The following PPP2R5C variants were observed in gnomAD, a reference collection of about 807,000 sequenced individuals.
The protein encoded by PPP2R5C is serine/threonine-protein phosphatase 2A 56 kDa regulatory subunit gamma isoform.
In PPP2R5C, 7 loss-of-function variants were observed where a neutral mutation model predicts 68.9. The ratio of observed to expected loss-of-function variants is 0.10; its 90% CI spans 0.06 to 0.19. PPP2R5C has a LOEUF of 0.19. Ranked by LOEUF, PPP2R5C falls within the 10% of genes least tolerant of loss-of-function variation. The probability of loss-of-function intolerance (pLI) is 1.00; values close to 1 mark genes in which losing one functional copy is unlikely to be tolerated. For missense variants in PPP2R5C, 348 were observed against 641.3 expected, an observed-to-expected ratio of 0.54 and a Z score of 4.94; for synonymous variants, 210 against 222.2, an observed-to-expected ratio of 0.95 and a Z score of 0.49.
intron 9 of PPP2R5C, among the ~76,000 whole-genome samples, chr14:101,902,925 C>G (rs1434853151): frequency 1.3e-5 from 2 of 151,816 alleles, no homozygotes; most frequent in Non-Finnish European, 1.5e-5. Flanking sequence ...GTGGTGTAGT[C>G]TCTTCCATAC....
At chr14:101,921,600 T>C (rs1353745751) in intron 13 of PPP2R5C, among the ~76,000 whole-genome samples, 2 of 152,184 alleles carry the variant, frequency 1.3e-5, no homozygotes, top group Non-Finnish European at 2.9e-5. Flanking sequence ...TAAGAAATGA[T>C]AGCTGAAAAT....
intron 9 of PPP2R5C, among the ~76,000 whole-genome samples, chr14:101,904,766 C>G (rs558869589): frequency 7.2e-5 from 11 of 152,314 alleles, no homozygotes; most frequent in African/African-American, 2.6e-4. Flanking sequence ...CCATGCTGCT[C>G]AGAGCCTCCA....
At chr14:101,900,107 G>A (rs935486890) in intron 8 of PPP2R5C, among the ~76,000 whole-genome samples, 1 of 151,548 alleles carries the variant, frequency 6.6e-6, no homozygotes, top group Non-Finnish European at 1.5e-5. Flanking sequence ...GGTCGGTCTC[G>A]AACTCCTGGG....
chr14:101,761,529 G>A (rs1490664697), upstream of PPP2R5C, among the ~76,000 whole-genome samples: 1 of 147,458 alleles, frequency 6.8e-6, no homozygotes, highest in African/African-American at 2.5e-5. Flanking sequence ...GGGTACGTGG[G>A]GGCGCGTCGA....
chr14:101,915,742 C>T lies in PPP2R5C; in HGVS notation c.1327-2089C>T, dbSNP rs2046635493. On this transcript the variant is annotated intron_variant, in intron 12 of 13. Coordinates refer to ENST00000334743, the Ensembl canonical transcript of PPP2R5C. This position sits in a 1 kb window ranked among gnomAD's most constrained non-coding sequence, Gnocchi z 4.2. Reference sequence around the variant, plus strand: ...ATACAAAGATGAGAACAAGACATAGCCCCCAGCCTCAGGGAGCTTACAGTC... The same window carrying T: ...ATACAAAGATGAGAACAAGACATAGTCCCCAGCCTCAGGGAGCTTACAGTC... Among the ~76,000 whole-genome samples, 1 of 152,216 alleles carries T rather than the reference C, an allele frequency of 6.6e-6. No individual in the cohort carries two copies. The highest frequency in any genetic ancestry group is 2.1e-4 in the South Asian group (1 of 4,834).
chr14:101,840,421 C>G (rs1489924204), intron 1 of PPP2R5C, among the ~76,000 whole-genome samples: 1 of 133,924 alleles, frequency 7.5e-6, no homozygotes, highest in African/African-American at 2.9e-5. Context: ...CCGCTTGCTG[C>G]TTTCTGGTTT....
chr14:101,914,270 G>A (rs1047687382), intron 12 of PPP2R5C: 7 of 448,652 alleles, frequency 1.6e-5, no homozygotes, highest in African/African-American at 4.0e-5. Flanking sequence ...CATCTGTGAC[G>A]CAGTCCCCAT....
chr14:101,891,386 G>A lies in PPP2R5C; in HGVS notation c.689+1090G>A, dbSNP rs1293238997. Among the ~76,000 whole-genome samples, 3 of 152,134 alleles carry A rather than the reference G, an allele frequency of 2.0e-5. No homozygotes were observed. The highest frequency in any genetic ancestry group is 4.4e-5 in the Non-Finnish European group (3 of 68,032). On this transcript the variant is annotated intron_variant, in intron 6 of 13. Coordinates refer to ENST00000334743, the Ensembl canonical transcript of PPP2R5C. This position sits in a 1 kb window ranked among gnomAD's most constrained non-coding sequence, Gnocchi z 4.9. ...AGATGTAATTTGAAAAAATGTCCTCGCTGACAATTCTTTTAGTTTAGACAA... is the reference window on the plus strand; with the variant it reads ...AGATGTAATTTGAAAAAATGTCCTCACTGACAATTCTTTTAGTTTAGACAA...
chr14:101,914,859 C>T (rs2046576210), intron 12 of PPP2R5C, among the ~76,000 whole-genome samples: 1 of 152,162 alleles, frequency 6.6e-6, no homozygotes, highest in Non-Finnish European at 1.5e-5. Flanking sequence ...TTTTACTACT[C>T]ACTTCCCCCA....
chr14:101,778,783 G>A (rs540571842), intron 2 of PPP2R5C, among the ~76,000 whole-genome samples: 8 of 152,236 alleles, frequency 5.3e-5, no homozygotes, highest in East Asian at 3.9e-4. Context: ...GGCTGGGTGC[G>A]GTGGCTCACC....
At chr14:101,905,526 G>A (rs1245143478) in intron 9 of PPP2R5C, among the ~76,000 whole-genome samples, 11 of 151,688 alleles carry the variant, frequency 7.3e-5, no homozygotes, top group Non-Finnish European at 1.5e-4. Context: ...GTGTGGTGGC[G>A]TGCGCCTGTA....
chr14:101,851,025 T>C (rs978920732), intron 1 of PPP2R5C, among the ~76,000 whole-genome samples: 6 of 152,362 alleles, frequency 3.9e-5, no homozygotes, highest in South Asian at 2.1e-4. Flanking sequence ...AAATGTTGGC[T>C]CCTGCCTTTC....
At chr14:101,776,367 A>G (rs61993987) in intron 2 of PPP2R5C, among the ~76,000 whole-genome samples, 27,344 of 152,042 alleles carry the variant, frequency 0.18, 3,284 homozygotes, top group African/African-American at 0.34. Context: ...TGCCCAAACC[A>G]GATCGCTAAA....
upstream of PPP2R5C, among the ~76,000 whole-genome samples, chr14:101,807,541 C>G (rs1293167159): frequency 2.0e-5 from 3 of 152,158 alleles, no homozygotes; most frequent in Non-Finnish European, 2.9e-5. Flanking sequence ...ACCTGTAGAT[C>G]AGTTTGGGGG....
At chr14:101,865,516 G>A (rs2042999534) in intron 2 of PPP2R5C, among the ~76,000 whole-genome samples, 1 of 152,228 alleles carries the variant, frequency 6.6e-6, no homozygotes, top group Admixed American at 6.5e-5. Context: ...CCATGCGATA[G>A]AGTCAAGGAG....
At chr14:101,834,895 G>A (rs2040984560) in intron 1 of PPP2R5C, among the ~76,000 whole-genome samples, 1 of 152,208 alleles carries the variant, frequency 6.6e-6, no homozygotes, top group African/African-American at 2.4e-5. Flanking sequence ...TCGCTGGTGG[G>A]CCTGTGGCCA....
At chr14:101,842,757 CTTTTTT>C (rs60913362) in intron 1 of PPP2R5C, among the ~76,000 whole-genome samples, 1 of 137,868 alleles carries the variant, frequency 7.3e-6, no homozygotes, top group Admixed American at 7.2e-5. Context: ...TGTCTTTTTT[CTTTTTT>C]TTTTTTTTTT....
intron 2 of PPP2R5C, among the ~76,000 whole-genome samples, chr14:101,875,411 A>G (rs1173515087): frequency 3.9e-5 from 6 of 152,212 alleles, no homozygotes; most frequent in East Asian, 1.9e-4. Flanking sequence ...TAGGGGCCCA[A>G]TTAGGACTGT....
chr14:101,882,081 A>C lies in PPP2R5C; in HGVS notation c.295-80A>C. On this transcript the variant is annotated intron_variant, in intron 2 of 13. Transcript: ENST00000334743. This position sits in a 1 kb window ranked among gnomAD's most constrained non-coding sequence, Gnocchi z 4.9. Reference sequence around the variant, plus strand: ...TACCATGGGAAGCGGCTACTGTTAGAATTACCTAAGACTTTATAAAATGTT... The same window carrying C: ...TACCATGGGAAGCGGCTACTGTTAGCATTACCTAAGACTTTATAAAATGTT... 1 of 1,204,940 alleles carries C rather than the reference A, an allele frequency of 8.3e-7. No individual in the cohort carries two copies. Among genetic ancestry groups the C allele is most frequent in the East Asian group, 2.7e-5 (1 of 36,544 alleles). The allele number at this position is 1,204,940 out of a possible 1,614,324, so 74.6% of individuals were successfully genotyped here. A position where few individuals can be genotyped will look rare whatever the true frequency, so the allele number is the denominator to read the frequency against.
Sources: gnomAD v4.1 joint callset for allele counts (sites outside exome capture counted in the v4.1 genomes callset) on GRCh38, gnomAD v4.1.1 for gene constraint, Gnocchi (gnomAD v3.1) non-coding constraint, MANE v1.5 for transcripts, NCBI Gene and HGNC (gene_info 2026-07-23, HGNC 2026-07-21) for gene names.